ANKRD42: variants seen among roughly 807,000 people sequenced by gnomAD.
ANKRD42 encodes ankyrin repeat domain 42.
ANKRD42 carries 43 observed loss-of-function variants against 51.5 expected under a neutral mutation model. The ratio of observed to expected loss-of-function variants is 0.83; its 90% CI spans 0.65 to 1.08. ANKRD42 has a LOEUF of 1.08. Ranked by LOEUF, ANKRD42 falls within the 50% of genes least tolerant of loss-of-function variation. ANKRD42 has a pLI of 0.00. For synonymous variants in ANKRD42, 203 were observed against 213.0 expected, an observed-to-expected ratio of 0.95 and a Z score of 0.41; for missense variants, 608 against 629.3, an observed-to-expected ratio of 0.97 and a Z score of 0.36.
chr11:83,247,903 A>T, intron 10 of ANKRD42, 40 bp from the exon 11 acceptor site: 1 of 1,509,958 alleles, frequency 6.6e-7, no homozygotes, highest in South Asian at 1.2e-5. Context: ...TTATTAGTTG[A>T]CATTGATGAT....
At position 83,241,076 on chromosome 11, in the gene ANKRD42, A is replaced by G. The variant is rs556989753; in HGVS notation, c.1195+142A>G. ...TATTTTTGGAGGAACTAGAACTAAT[A>G]TAAGTTTTTGTACTAGGGTTGTTGA... On this transcript the variant is annotated intron_variant, in intron 9 of 10. Coordinates refer to ENST00000533342, the MANE Select transcript of ANKRD42 (RefSeq NM_001300975.2). The G allele has an allele frequency of 6.2e-6, 6 of 970,116 alleles. 1 individual carries two copies. The highest frequency in any genetic ancestry group is 8.9e-6 in the Non-Finnish European group (6 of 676,808). The allele number at this position is 970,116 out of a possible 1,614,324, so 60.1% of individuals were successfully genotyped here.
intron 7 of ANKRD42, among the ~76,000 whole-genome samples, chr11:83,231,936 C>A (rs1427181931): frequency 1.3e-5 from 2 of 152,046 alleles, no homozygotes; most frequent in East Asian, 3.8e-4. Context: ...GTAATCCCAG[C>A]TATTGGTCTA....
At chr11:83,212,574 A>G in intron 5 of ANKRD42, 4 of 1,155,732 alleles carry the variant, frequency 3.5e-6, no homozygotes, top group Non-Finnish European at 2.5e-6. Flanking sequence ...TACTTAAATG[A>G]TACCTTAAAG....
chr11:83,228,672 A>G (rs938696028), intron 7 of ANKRD42, among the ~76,000 whole-genome samples: 4 of 152,162 alleles, frequency 2.6e-5, no homozygotes, highest in African/African-American at 9.7e-5. Context: ...TTAGGTTTTT[A>G]GCTTACTTTG....
intron 2 of ANKRD42, 87 bp from the exon 3 acceptor site, chr11:83,205,961 ACTACAGTCTG>A: frequency 1.0e-6 from 1 of 970,124 alleles, no homozygotes; most frequent in Non-Finnish European, 1.6e-6. Context: ...TCTCTCATTC[ACTACAGTCTG>A]CTATTTTATG....
chr11:83,229,596 G>A (rs1292322095), intron 7 of ANKRD42, among the ~76,000 whole-genome samples: 1 of 152,158 alleles, frequency 6.6e-6, no homozygotes, highest in East Asian at 1.9e-4. Flanking sequence ...TGAACTGAAA[G>A]AGAAATGAGG....
At chr11:83,237,288 T>G (rs977497871) in intron 8 of ANKRD42, among the ~76,000 whole-genome samples, 4 of 152,214 alleles carry the variant, frequency 2.6e-5, no homozygotes, top group Admixed American at 1.3e-4. Context: ...TCTTTCTGTT[T>G]GAAAGTTGTA....
At chr11:83,264,106 A>G (rs1302422400), downstream of ANKRD42, among the ~76,000 whole-genome samples, 1 of 152,202 alleles carries the variant, frequency 6.6e-6, no homozygotes, top group Non-Finnish European at 1.5e-5. Context: ...GTGTGTGTGT[A>G]TGTGTATTTA....
intron 5 of ANKRD42, chr11:83,215,081 A>G (rs899096051): frequency 1.3e-5 from 2 of 152,176 alleles, no homozygotes; most frequent in Admixed American, 6.5e-5. Context: ...TGTGTGAATT[A>G]TATTTCGTTG....
intron 7 of ANKRD42, among the ~76,000 whole-genome samples, chr11:83,228,520 T>A (rs1362132590): frequency 6.6e-6 from 1 of 152,140 alleles, no homozygotes; most frequent in Admixed American, 6.6e-5. Flanking sequence ...TGAGCCACCA[T>A]GCCTGGCCTG....
At chr11:83,205,129 CTTATT>C (rs1862020960) in intron 2 of ANKRD42, among the ~76,000 whole-genome samples, 1 of 152,120 alleles carries the variant, frequency 6.6e-6, no homozygotes, top group African/African-American at 2.4e-5. Flanking sequence ...TAAATATATA[CTTATT>C]TTATGTTCTA....
At chr11:83,210,683 T>A (rs1227138425) in intron 4 of ANKRD42, among the ~76,000 whole-genome samples, 1 of 152,266 alleles carries the variant, frequency 6.6e-6, no homozygotes, top group Non-Finnish European at 1.5e-5. Context: ...TTTAACTGGT[T>A]AGATTACGAA....
Position 83,202,375 on chromosome 11 carries a change from C to A in ANKRD42, c.223-3683C>A, listed in dbSNP as rs555745547. 3.9e-5 allele frequency among the ~76,000 whole-genome samples: 6 copies of A among 152,272 alleles called. No individual in the cohort carries two copies. In the South Asian group the frequency reaches 6.2e-4, roughly 16 times the overall value. ...TATCTGTTTTGGCACCAGTACCATG[C>A]TGTTTTGGTTACTGTAGCCTTGTAG... is the stretch of plus-strand genomic sequence containing the variant. On this transcript the variant is annotated intron_variant, in intron 2 of 10. Transcript: ENST00000533342.
chr11:83,255,292 G>A (rs528646198), intron 11 of ANKRD42, among the ~76,000 whole-genome samples: 2 of 152,208 alleles, frequency 1.3e-5, no homozygotes, highest in Middle Eastern at 3.4e-3. Flanking sequence ...TTCTGTGCTG[G>A]GTCTTAAGAA....
At chr11:83,245,751 C>G in intron 10 of ANKRD42, 127 bp downstream of exon 10, 1 of 1,076,630 alleles carries the variant, frequency 9.3e-7, no homozygotes. Context: ...TGTTTTTCTC[C>G]TAAGCCCTTA....
At chr11:83,261,384 T>C (rs1487288519), downstream of ANKRD42, 2 of 152,222 alleles carry the variant, frequency 1.3e-5, no homozygotes, top group Admixed American at 6.5e-5. Context: ...TTAAAATTTA[T>C]TGTTTTAGTT....
chr11:83,220,242 C>T (rs948206805), intron 5 of ANKRD42, among the ~76,000 whole-genome samples: 20 of 152,180 alleles, frequency 1.3e-4, no homozygotes, highest in African/African-American at 2.9e-4. Context: ...CCCGAAGGGT[C>T]GGGGGTTGTT....
chr11:83,245,692 G>T, intron 10 of ANKRD42, 68 bp downstream of exon 10: 1 of 1,444,532 alleles, frequency 6.9e-7, no homozygotes, highest in South Asian at 1.4e-5. Context: ...AGGGTTTGTT[G>T]ATCAGCAACT....
At chr11:83,213,335 G>A in intron 5 of ANKRD42, 1 of 1,582,780 alleles carries the variant, frequency 6.3e-7, no homozygotes, top group Non-Finnish European at 8.6e-7. Context: ...ATCGTGGAAA[G>A]AGCTGCCCAG....
Sources: allele counts gnomAD v4.1 joint callset (sites outside exome capture counted in the v4.1 genomes callset), GRCh38; gene constraint gnomAD v4.1.1; transcripts MANE v1.5; gene names NCBI Gene and HGNC (gene_info 2026-07-23, HGNC 2026-07-21).